Variants in ITGA8 observed in about 807,000 individuals in gnomAD.
ITGA8 encodes the protein integrin subunit alpha 8.
ITGA8 carries 91 observed loss-of-function variants against 142.3 expected under a neutral mutation model. The ratio of observed to expected loss-of-function variants is 0.64; its 90% CI spans 0.54 to 0.76. The LOEUF (loss-of-function observed/expected upper bound fraction) is 0.76, where lower values mean the gene tolerates loss of function less well. Among genes scored for constraint, ITGA8 ranks in the 30% least tolerant of loss-of-function variants. The pLI is 0.00. For synonymous variants in ITGA8, 505 were observed against 485.2 expected, an observed-to-expected ratio of 1.04 and a Z score of -0.54; for missense variants, 1,406 against 1,327.7, an observed-to-expected ratio of 1.06 and a Z score of -0.92.
intron 11 of ITGA8, among the ~76,000 whole-genome samples, chr10:15,652,559 A>G (rs564960617): frequency 2.2e-4 from 33 of 151,166 alleles, no homozygotes; most frequent in Non-Finnish European, 2.5e-4. Context: ...CAAGTTCTTT[A>G]GCTATTTTCT....
intron 2 of ITGA8, among the ~76,000 whole-genome samples, chr10:15,713,755 A>T (rs148316271): frequency 6.6e-6 from 1 of 152,250 alleles, no homozygotes; most frequent in African/African-American, 2.4e-5. Context: ...AGACCCCCCA[A>T]AACAAAGGCT....
chr10:15,695,436 C>T (rs999790559), intron 2 of ITGA8, among the ~76,000 whole-genome samples: 15 of 152,152 alleles, frequency 9.9e-5, no homozygotes, highest in Non-Finnish European at 1.5e-5. Context: ...TATGGGTTGA[C>T]TCTGAAGGTG....
At chr10:15,692,844 G>T (rs1249652514) in intron 2 of ITGA8, among the ~76,000 whole-genome samples, 1 of 152,236 alleles carries the variant, frequency 6.6e-6, no homozygotes, top group African/African-American at 2.4e-5. Flanking sequence ...AAGGCAGGTG[G>T]ATCACTTGAG....
chr10:15,712,630 A>G (rs111919022), intron 2 of ITGA8, among the ~76,000 whole-genome samples: 19 of 152,180 alleles, frequency 1.2e-4, no homozygotes, highest in African/African-American at 4.3e-4. Context: ...AAAAAATAAA[A>G]AAGTCCATGT....
At chr10:15,713,127 G>T (rs1271499768) in intron 2 of ITGA8, among the ~76,000 whole-genome samples, 1 of 152,188 alleles carries the variant, frequency 6.6e-6, no homozygotes, top group Non-Finnish European at 1.5e-5. Flanking sequence ...GTTCAGTTGT[G>T]TTCTGTTGCA....
At chr10:15,561,175 T>C (rs1281467743) in intron 25 of ITGA8, among the ~76,000 whole-genome samples, 1 of 147,356 alleles carries the variant, frequency 6.8e-6, no homozygotes, top group Non-Finnish European at 1.5e-5. Flanking sequence ...CAGGTGTAAG[T>C]CACTGTGCCT....
At chr10:15,660,845 T>C (rs1001391191) in intron 9 of ITGA8, 34 bp downstream of exon 9, 6 of 1,563,530 alleles carry the variant, frequency 3.8e-6, no homozygotes, top group African/African-American at 1.4e-5. Flanking sequence ...TACAAGAAAA[T>C]ACCCTATTCC....
chr10:15,683,264 TCCAC>T (rs1223920401), intron 4 of ITGA8, among the ~76,000 whole-genome samples: 45 of 111,322 alleles, frequency 4.0e-4, no homozygotes, highest in African/African-American at 1.3e-3. Context: ...AGTAGATGAA[TCCAC>T]CCATCCATCC....
chr10:15,654,813 G>A (rs2131664537), intron 11 of ITGA8, among the ~76,000 whole-genome samples: 1 of 152,164 alleles, frequency 6.6e-6, no homozygotes, highest in East Asian at 1.9e-4. Context: ...GGTCCTTTTA[G>A]TGAATCAAAG....
intron 28 of ITGA8, among the ~76,000 whole-genome samples, chr10:15,523,456 C>G (rs1833106139): frequency 6.6e-6 from 1 of 152,122 alleles, no homozygotes; most frequent in Non-Finnish European, 1.5e-5. Context: ...TACATTTGCT[C>G]CCAAAGAGCC....
Position 15,604,541 on chromosome 10 carries a change from C to G in ITGA8, c.1971-186G>C, listed in dbSNP as rs80354974. On this transcript the variant is annotated intron_variant, in intron 19 of 29. Coordinates refer to ENST00000378076, the MANE Select transcript of ITGA8 (RefSeq NM_003638.3). ...CTGGGTAAAAAGGGCAGGAAAACAC[C>G]CAGTAGTGTGTTGGTAAATGTTTAA... is the stretch of plus-strand genomic sequence containing the variant. Among the ~76,000 whole-genome samples, 10,797 of 146,576 alleles carry G rather than the reference C, an allele frequency of 0.074. 488 individuals are homozygous for G. Among genetic ancestry groups the G allele is most frequent in the Middle Eastern group, 0.11 (33 of 288 alleles).
intron 10 of ITGA8, among the ~76,000 whole-genome samples, chr10:15,657,509 C>CTTTCTTTTTTTTTTTTTTTTTTT (rs534714654): frequency 8.6e-6 from 1 of 116,500 alleles, no homozygotes; most frequent in African/African-American, 3.2e-5. Context: ...TCTTTTCTTT[C>CTTTCTTTTTTTTTTTTTTTTTTT]ATTTTTTTTT....
intron 25 of ITGA8, among the ~76,000 whole-genome samples, chr10:15,567,408 G>GA (rs1389856169): frequency 6.6e-6 from 1 of 152,078 alleles, no homozygotes; most frequent in Non-Finnish European, 1.5e-5. Context: ...GAAGGATCTG[G>GA]AAAAAAATTA....
At chr10:15,666,889 G>A (rs1350791571) in intron 8 of ITGA8, among the ~76,000 whole-genome samples, 1 of 152,178 alleles carries the variant, frequency 6.6e-6, no homozygotes, top group Non-Finnish European at 1.5e-5. Context: ...TGGTGGATAA[G>A]CTTTTTCATG....
chr10:15,548,979 A>G (rs9333222), intron 26 of ITGA8, among the ~76,000 whole-genome samples: 20,024 of 152,052 alleles, frequency 0.13, 1,450 homozygotes, highest in Middle Eastern at 0.18. Flanking sequence ...CGATTGACAT[A>G]CATTTGTTCC....
At chr10:15,622,603 A>AAAAC (rs142299267) in intron 13 of ITGA8, among the ~76,000 whole-genome samples, 88 of 2,956 alleles carry the variant, frequency 0.03, no homozygotes, top group Admixed American at 0.1. Context: ...AAAACAAAAC[A>AAAAC]AAAAAAAAAC....
At chr10:15,521,641 G>A (rs375873076) in intron 28 of ITGA8, among the ~76,000 whole-genome samples, 18 of 152,214 alleles carry the variant, frequency 1.2e-4, no homozygotes, top group East Asian at 1.9e-4. Context: ...AACTTTCCTC[G>A]CTAGGAATTA....
chr10:15,642,785 C>T (rs189967212), intron 13 of ITGA8, among the ~76,000 whole-genome samples: 1 of 152,066 alleles, frequency 6.6e-6, no homozygotes, highest in Non-Finnish European at 1.5e-5. Flanking sequence ...TTGCGGTATC[C>T]TTTTTGTCTA....
intron 11 of ITGA8, among the ~76,000 whole-genome samples, chr10:15,654,671 T>G (rs904388921): frequency 5.3e-5 from 8 of 152,234 alleles, no homozygotes; most frequent in South Asian, 2.1e-4. Flanking sequence ...TCTGTCTTAT[T>G]CACCTGTGTA....
Sources: gnomAD v4.1 joint callset for allele counts (sites outside exome capture counted in the v4.1 genomes callset) on GRCh38, gnomAD v4.1.1 for gene constraint, MANE v1.5 for transcripts, NCBI Gene and HGNC (gene_info 2026-07-23, HGNC 2026-07-21) for gene names.